RASGRF2: variants seen among roughly 807,000 people sequenced by gnomAD.
The protein encoded by RASGRF2 is Ras protein specific guanine nucleotide releasing factor 2, also known as ras-specific guanine nucleotide-releasing factor 2.
Under a neutral mutation model 151.0 loss-of-function variants are expected in RASGRF2, and 76 were observed. That is an observed-to-expected ratio of 0.50 (90% CI 0.42 to 0.61). The LOEUF (loss-of-function observed/expected upper bound fraction) is 0.61, where lower values mean the gene tolerates loss of function less well. Among genes scored for constraint, RASGRF2 ranks in the 20% least tolerant of loss-of-function variants. The probability of loss-of-function intolerance (pLI) is 0.00; values close to 1 mark genes in which losing one functional copy is unlikely to be tolerated. For missense variants in RASGRF2, 1,148 were observed against 1,564.6 expected (o/e 0.73, Z 4.49); for synonymous variants, 504 against 566.5 (o/e 0.89, Z 1.57).
At chr5:81,123,387 A>G (rs1439987563) in intron 15 of RASGRF2, among the ~76,000 whole-genome samples, 6 of 152,220 alleles carry the variant, frequency 3.9e-5, no homozygotes, top group African/African-American at 1.2e-4. Flanking sequence ...TTACTTTAAC[A>G]TCTGCTGCTG....
chr5:81,152,421 G>A (rs1580362285), intron 17 of RASGRF2, among the ~76,000 whole-genome samples: 1 of 151,854 alleles, frequency 6.6e-6, no homozygotes, highest in East Asian at 2.1e-4. Flanking sequence ...ACCAAAGTAT[G>A]GTTTAATCCA....
chr5:80,994,233 G>C (rs1358464605), intron 1 of RASGRF2, among the ~76,000 whole-genome samples: 2 of 152,108 alleles, frequency 1.3e-5, no homozygotes, highest in East Asian at 3.9e-4. Context: ...AGGCGTGGTG[G>C]TAGGCGCCTG....
intron 17 of RASGRF2, among the ~76,000 whole-genome samples, chr5:81,149,364 A>G (rs962542416): frequency 2.0e-5 from 3 of 152,190 alleles, no homozygotes; most frequent in African/African-American, 7.2e-5. Context: ...ATTCTAAGTG[A>G]GGTAACTCAG....
At chr5:81,031,977 G>A (rs1452704587) in intron 1 of RASGRF2, among the ~76,000 whole-genome samples, 7 of 152,054 alleles carry the variant, frequency 4.6e-5, no homozygotes, top group Admixed American at 1.3e-4. Context: ...TATCACCACC[G>A]ATCCCACAGA....
chr5:81,146,438 A>G (rs1399950826), intron 17 of RASGRF2, among the ~76,000 whole-genome samples: 1 of 141,476 alleles, frequency 7.1e-6, no homozygotes, highest in Non-Finnish European at 1.6e-5. Context: ...GAGGTCCCTT[A>G]CAGACATGCT....
intron 19 of RASGRF2, chr5:81,203,962 C>T (rs1360517537): frequency 2.0e-5 from 3 of 152,244 alleles, no homozygotes; most frequent in African/African-American, 7.2e-5. Context: ...GCTTCGTCAC[C>T]TTTTCCACAC....
At chr5:81,099,529 CCTT>C (rs1207125692) in intron 12 of RASGRF2, among the ~76,000 whole-genome samples, 2 of 152,168 alleles carry the variant, frequency 1.3e-5, no homozygotes, top group East Asian at 3.9e-4. Context: ...TGATCACTCT[CCTT>C]ATTTCATGAT....
chr5:81,127,365 T>C (rs534891786), intron 17 of RASGRF2, among the ~76,000 whole-genome samples: 1 of 151,958 alleles, frequency 6.6e-6, no homozygotes, highest in Non-Finnish European at 1.5e-5. Context: ...CTATAAAAAA[T>C]TTTTAAAATT....
At chr5:80,980,378 G>T (rs1025521286) in intron 1 of RASGRF2, among the ~76,000 whole-genome samples, 1 of 152,152 alleles carries the variant, frequency 6.6e-6, no homozygotes, top group Non-Finnish European at 1.5e-5. Context: ...AGTGGTTCAT[G>T]CCTGTAATCC....
At chr5:81,216,192 C>T (rs934865826) in intron 24 of RASGRF2, among the ~76,000 whole-genome samples, 1 of 152,072 alleles carries the variant, frequency 6.6e-6, no homozygotes, top group Admixed American at 6.5e-5. Context: ...GAAGGTAATA[C>T]CACCATAATA....
At chr5:81,162,582 G>A (rs1477921235) in intron 17 of RASGRF2, among the ~76,000 whole-genome samples, 4 of 151,452 alleles carry the variant, frequency 2.6e-5, no homozygotes, top group African/African-American at 4.8e-5. Context: ...TCCTCACCTC[G>A]TGATCCACCT....
At chr5:81,202,184 C>G (rs1755410658) in intron 19 of RASGRF2, among the ~76,000 whole-genome samples, 1 of 152,084 alleles carries the variant, frequency 6.6e-6, no homozygotes, top group South Asian at 2.1e-4. Context: ...GCAGACATTT[C>G]AGTTGCAGCT....
chr5:80,996,484 T>C (rs1748867103), intron 1 of RASGRF2, among the ~76,000 whole-genome samples: 1 of 77,410 alleles, frequency 1.3e-5, no homozygotes, highest in Non-Finnish European at 2.4e-5. Flanking sequence ...CTTCTTCTTC[T>C]TCTTCTTCTT....
intron 5 of RASGRF2, among the ~76,000 whole-genome samples, chr5:81,076,265 A>G (rs1166992835): frequency 6.6e-6 from 1 of 152,174 alleles, no homozygotes; most frequent in Non-Finnish European, 1.5e-5. Context: ...ACAGGGTGGT[A>G]CCTAGAGGCA....
At position 81,134,894 on chromosome 5, in the gene RASGRF2, T is replaced by G. The variant is rs148580634; in HGVS notation, c.2686+7731T>G. 2.6e-5 allele frequency among the ~76,000 whole-genome samples: 4 copies of G among 152,016 alleles called. No individual in the cohort carries two copies. In the East Asian group the frequency reaches 7.7e-4, roughly 29 times the overall value. On this transcript the variant is annotated intron_variant, in intron 17 of 26. Coordinates refer to ENST00000265080, the MANE Select transcript of RASGRF2 (RefSeq NM_006909.3). The stretch of plus-strand genomic sequence containing the variant: ...AGGTTGCCTAGAGTTCTGCATCATG[T>G]TAGAAAATCTTTTTATCTCAAAGTA...
intron 1 of RASGRF2, among the ~76,000 whole-genome samples, chr5:81,015,676 ATTG>A (rs56928246): frequency 0.26 from 38,975 of 151,784 alleles, 5,331 homozygotes; most frequent in South Asian, 0.32. Context: ...GTCCTTTTAT[ATTG>A]TTGTTGCTTC....
intron 1 of RASGRF2, among the ~76,000 whole-genome samples, chr5:81,031,647 G>A (rs980643198): frequency 6.6e-6 from 1 of 152,164 alleles, no homozygotes; most frequent in African/African-American, 2.4e-5. Context: ...CACATTTAAA[G>A]CAGTGTGTAT....
rs1269292776 is a variant in RASGRF2 at position 81,046,154 on chromosome 5, A to G, written c.395+3171A>G. 2.6e-5 allele frequency among the ~76,000 whole-genome samples: 4 copies of G among 152,176 alleles called. No homozygotes were observed. The East Asian group carries it at 7.7e-4, about 29-fold the overall frequency. ...AGCTACAAATCCTCCTGTAGATGCC[A>G]CTTAGATACAAAGACTGCTCAGAAC... On this transcript the variant is annotated intron_variant, in intron 2 of 26. Coordinates refer to ENST00000265080, the MANE Select transcript of RASGRF2 (RefSeq NM_006909.3).
At chr5:81,040,786 C>T (rs1447202224) in intron 1 of RASGRF2, among the ~76,000 whole-genome samples, 1 of 152,160 alleles carries the variant, frequency 6.6e-6, no homozygotes, top group Non-Finnish European at 1.5e-5. Context: ...TGGGATTTTC[C>T]CTCAGCTTGG....
Sources: allele counts gnomAD v4.1 joint callset (sites outside exome capture counted in the v4.1 genomes callset), GRCh38; gene constraint gnomAD v4.1.1; transcripts MANE v1.5; gene names NCBI Gene and HGNC (gene_info 2026-07-23, HGNC 2026-07-21).